SLC38A6: variants seen among roughly 807,000 people sequenced by gnomAD.
SLC38A6 encodes the protein solute carrier family 38 member 6.
A neutral mutation model predicts 65.0 loss-of-function variants in SLC38A6; 73 were observed. The ratio of observed to expected loss-of-function variants is 1.12; its 90% CI spans 0.93 to 1.37. The LOEUF (loss-of-function observed/expected upper bound fraction) is 1.37, where lower values mean the gene tolerates loss of function less well. Among genes scored for constraint, SLC38A6 ranks in the 40% most tolerant of loss-of-function variants. The probability of loss-of-function intolerance (pLI) is 0.00; values close to 1 mark genes in which losing one functional copy is unlikely to be tolerated. For synonymous variants in SLC38A6, 183 were observed against 178.8 expected (o/e 1.02, Z -0.19); for missense variants, 561 against 531.1 (o/e 1.06, Z -0.55).
chr14:61,006,871 C>G (rs1445483686), intron 3 of SLC38A6, among the ~76,000 whole-genome samples: 2 of 152,160 alleles, frequency 1.3e-5, no homozygotes. Flanking sequence ...GACACATGCA[C>G]ACATATGTTT....
rs78544164 is a variant in SLC38A6 at position 60,990,972 on chromosome 14, C to T, written c.310+6169C>T. ...GCTTGGGATTACAGGCATGAGCCATCGTGCCTGGCCAAAAAATTAATAATC... is the reference window on the plus strand; with the variant it reads ...GCTTGGGATTACAGGCATGAGCCATTGTGCCTGGCCAAAAAATTAATAATC... On this transcript the variant is annotated intron_variant, in intron 3 of 15. Transcript: ENST00000267488. 6.9e-3 allele frequency among the ~76,000 whole-genome samples: 1,049 copies of T among 152,284 alleles called. 13 individuals are homozygous for T. The highest frequency in any genetic ancestry group is 0.024 in the African/African-American group (996 of 41,554).
intron 3 of SLC38A6, among the ~76,000 whole-genome samples, chr14:61,012,136 A>G (rs1364050869): frequency 6.6e-6 from 1 of 152,146 alleles, no homozygotes; most frequent in South Asian, 2.1e-4. Flanking sequence ...CAAGGAATTT[A>G]TCCATTTCTT....
At chr14:61,014,860 C>G (rs1044958232) in intron 3 of SLC38A6, among the ~76,000 whole-genome samples, 1 of 152,202 alleles carries the variant, frequency 6.6e-6, no homozygotes, top group East Asian at 1.9e-4. Flanking sequence ...CATTCTGTCC[C>G]TTCTCAGATC....
chr14:61,049,115 T>A (rs80085034), intron 12 of SLC38A6, among the ~76,000 whole-genome samples: 1,817 of 152,324 alleles, frequency 0.012, 14 homozygotes, highest in Non-Finnish European at 0.018. Flanking sequence ...GTAGCTGTTA[T>A]GCCTGTTTGG....
intron 6 of SLC38A6, 71 bp from the exon 7 acceptor site, chr14:61,036,988 G>GTGTT: frequency 1.3e-6 from 1 of 745,310 alleles, no homozygotes. Flanking sequence ...GTGTGTGTGT[G>GTGTT]TGTGTGTGTG....
chr14:61,006,957 A>G (rs983263976), intron 3 of SLC38A6, among the ~76,000 whole-genome samples: 4 of 152,226 alleles, frequency 2.6e-5, no homozygotes, highest in African/African-American at 9.6e-5. Context: ...GATTAAGAAA[A>G]TGTGGCACAT....
Position 61,046,223 on chromosome 14 carries a change from C to T in SLC38A6, c.925+56C>T, listed in dbSNP as rs758696920. Reference sequence around the variant, plus strand: ...AATAATAGTTACATAGATGGCCTCACGCCAATCTATAGACTTTACCTATGC... The same window carrying T: ...AATAATAGTTACATAGATGGCCTCATGCCAATCTATAGACTTTACCTATGC... On this transcript the variant is annotated intron_variant, in intron 12 of 15. Transcript: ENST00000267488. 89 of 1,149,282 alleles carry T rather than the reference C, an allele frequency of 7.7e-5. No homozygotes were observed. In the Middle Eastern group the frequency reaches 2.8e-3, roughly 37 times the overall value. 71.2% of individuals were successfully genotyped at this position (1,149,282 alleles called of 1,614,324 possible).
At chr14:61,009,477 G>T (rs953813388) in intron 3 of SLC38A6, among the ~76,000 whole-genome samples, 1 of 152,066 alleles carries the variant, frequency 6.6e-6, no homozygotes, top group Non-Finnish European at 1.5e-5. Context: ...ATGTTGGCGT[G>T]CCGCACCCAT....
At chr14:61,063,574 G>A (rs1378841295) in intron 15 of SLC38A6, among the ~76,000 whole-genome samples, 1 of 152,148 alleles carries the variant, frequency 6.6e-6, no homozygotes, top group Non-Finnish European at 1.5e-5. Flanking sequence ...CAGTACACAT[G>A]TAAAGTAGAG....
intron 15 of SLC38A6, among the ~76,000 whole-genome samples, chr14:61,068,197 A>G (rs2043096062): frequency 1.3e-5 from 2 of 152,116 alleles, no homozygotes; most frequent in South Asian, 4.2e-4. Flanking sequence ...GTCCAAATCC[A>G]TTCCTCACTA....
intron 11 of SLC38A6, 36 bp from the exon 12 acceptor site, chr14:61,046,031 A>C (rs1244261799): frequency 6.2e-6 from 8 of 1,300,658 alleles, no homozygotes; most frequent in Non-Finnish European, 8.8e-6. Context: ...TATAATTCAG[A>C]TCACTTATTC....
At chr14:61,081,304 TCTA>T (rs1156486846) in intron 16 of SLC38A6, among the ~76,000 whole-genome samples, 1 of 152,226 alleles carries the variant, frequency 6.6e-6, no homozygotes, top group Non-Finnish European at 1.5e-5. Context: ...CAGGAATTAT[TCTA>T]CTTTGACCAG....
chr14:61,015,905 T>C lies in SLC38A6; in HGVS notation c.312T>C (p.Ala104=). 6.2e-7 allele frequency: 1 copy of C among 1,606,330 alleles called. No individual in the cohort carries two copies. ...HLLLSMCIQT[A]VTSYEDLGLF... ...GAACATTGTAATTTCTCTTAACAGC[T>C]GTAACATCTTATGAAGATCTTGGAC... The change falls in exon 4 of 16, where the codon GCT becomes GCC. Residue 104 remains alanine, a splice_region_variant and synonymous_variant. Coordinates refer to ENST00000267488, the MANE Select transcript of SLC38A6 (RefSeq NM_153811.3).
chr14:61,061,395 C>CT (rs988385226), intron 15 of SLC38A6, among the ~76,000 whole-genome samples: 3 of 152,080 alleles, frequency 2.0e-5, no homozygotes, highest in African/African-American at 7.2e-5. Flanking sequence ...CTGAAGTTTT[C>CT]TTTTTTTATT....
chr14:61,009,901 A>G (rs1464888550), intron 3 of SLC38A6, among the ~76,000 whole-genome samples: 1 of 152,226 alleles, frequency 6.6e-6, no homozygotes, highest in African/African-American at 2.4e-5. Flanking sequence ...ATACCCAGTA[A>G]TGGGATGGCT....
At chr14:61,011,802 T>A (rs931581724) in intron 3 of SLC38A6, among the ~76,000 whole-genome samples, 5 of 152,190 alleles carry the variant, frequency 3.3e-5, no homozygotes, top group African/African-American at 1.2e-4. Context: ...TATTGAGGAT[T>A]TTTGCATCGA....
At chr14:61,015,877 A>T in intron 3 of SLC38A6, 27 bp from the exon 4 acceptor site, 1 of 1,586,242 alleles carries the variant, frequency 6.3e-7, no homozygotes, top group Non-Finnish European at 8.6e-7. Context: ...TTTGTGTAAA[A>T]GTGAACATTG....
chr14:61,030,767 C>T (rs2040933009), intron 6 of SLC38A6: 1 of 321,908 alleles, frequency 3.1e-6, no homozygotes, highest in Admixed American at 4.8e-5. Context: ...CCTTGCATTC[C>T]TTGGGGGTGT....
chr14:61,021,754 T>A (rs1595112238), intron 5 of SLC38A6, among the ~76,000 whole-genome samples: 1 of 152,324 alleles, frequency 6.6e-6, no homozygotes, highest in East Asian at 1.9e-4. Flanking sequence ...TCCTCATGAT[T>A]TTCTTCACAT....
Sources: gnomAD v4.1 joint callset for allele counts (sites outside exome capture counted in the v4.1 genomes callset) on GRCh38, gnomAD v4.1.1 for gene constraint, MANE v1.5 for transcripts, NCBI Gene and HGNC (gene_info 2026-07-23, HGNC 2026-07-21) for gene names.